RIMS2: variants seen among roughly 807,000 people sequenced by gnomAD.
RIMS2 encodes the protein regulating synaptic membrane exocytosis 2, also known as regulating synaptic membrane exocytosis protein 2.
In RIMS2, 59 loss-of-function variants were observed where a neutral mutation model predicts 174.4. That is an observed-to-expected ratio of 0.34 (90% CI 0.27 to 0.42). The LOEUF is 0.42. RIMS2 is among the 10% of genes least tolerant of loss of function. The probability of loss-of-function intolerance (pLI) is 1.00; values close to 1 mark genes in which losing one functional copy is unlikely to be tolerated. For missense variants in RIMS2, 1,620 were observed against 1,666.3 expected (o/e 0.97, Z 0.48); for synonymous variants, 606 against 572.5 (o/e 1.06, Z -0.84).
chr8:103,952,086 A>T (rs1371046970), intron 14 of RIMS2, among the ~76,000 whole-genome samples: 1 of 152,190 alleles, frequency 6.6e-6, no homozygotes, highest in African/African-American at 2.4e-5. Context: ...ATCTCTGAAA[A>T]AAAGGCAGCA....
At chr8:103,611,037 C>G (rs1389662758) in intron 1 of RIMS2, among the ~76,000 whole-genome samples, 1 of 152,080 alleles carries the variant, frequency 6.6e-6, no homozygotes, top group East Asian at 1.9e-4. Flanking sequence ...CAATTTCTTC[C>G]TGGTTCAGTC....
intron 3 of RIMS2, among the ~76,000 whole-genome samples, chr8:103,848,220 C>T (rs1457884128): frequency 2.0e-5 from 3 of 152,036 alleles, no homozygotes; most frequent in Non-Finnish European, 2.9e-5. Flanking sequence ...AGGATTTCTT[C>T]TCATTACTTT....
intron 19 of RIMS2, among the ~76,000 whole-genome samples, chr8:104,211,731 C>T (rs2099106310): frequency 6.6e-6 from 1 of 152,194 alleles, no homozygotes; most frequent in Non-Finnish European, 1.5e-5. Context: ...CCAGTCTGGT[C>T]TCAAACACCT....
chr8:103,768,788 G>A, intron 3 of RIMS2: 2 of 717,394 alleles, frequency 2.8e-6, no homozygotes, highest in Non-Finnish European at 5.2e-6. Context: ...AAGAAACCTA[G>A]GACCAAAGCA....
rs555938464 is a variant in RIMS2 at position 104,214,896 on chromosome 8, A to G, written c.3335-30020A>G. On this transcript the variant is annotated intron_variant, in intron 19 of 23. Transcript: ENST00000504942. ...TACGTTCAAGCAACAGTCCACTTATACCCAATCTAGGTGATGTTTGACCTG... is the reference window on the plus strand; with the variant it reads ...TACGTTCAAGCAACAGTCCACTTATGCCCAATCTAGGTGATGTTTGACCTG... Among the ~76,000 whole-genome samples, 4 of 152,344 alleles carry G rather than the reference A, an allele frequency of 2.6e-5. No homozygotes were observed. The South Asian group carries it at 8.3e-4, about 32-fold the overall frequency.
chr8:104,093,571 G>T (rs748178817), intron 19 of RIMS2: 29 of 1,597,584 alleles, frequency 1.8e-5, no homozygotes, highest in African/African-American at 9.3e-5. Context: ...AGGACTAGTA[G>T]TGCTTCTCGT....
chr8:104,020,402 A>G (rs781346539), intron 19 of RIMS2, among the ~76,000 whole-genome samples: 1 of 152,060 alleles, frequency 6.6e-6, no homozygotes, highest in Non-Finnish European at 1.5e-5. Flanking sequence ...CATTTGTAAT[A>G]TATTTGAATA....
At chr8:103,689,508 T>C (rs1487598472) in intron 1 of RIMS2, among the ~76,000 whole-genome samples, 1 of 152,224 alleles carries the variant, frequency 6.6e-6, no homozygotes, top group Non-Finnish European at 1.5e-5. Flanking sequence ...TTAGCTCTAA[T>C]AATATTTACT....
At chr8:104,081,300 G>A (rs2097415471) in intron 19 of RIMS2, among the ~76,000 whole-genome samples, 1 of 151,874 alleles carries the variant, frequency 6.6e-6, no homozygotes, top group African/African-American at 2.4e-5. Context: ...AGTTTAAAGG[G>A]CTTATTTCAA....
chr8:104,237,056 G>A (rs1374104162), intron 19 of RIMS2, among the ~76,000 whole-genome samples: 1 of 151,992 alleles, frequency 6.6e-6, no homozygotes, highest in Non-Finnish European at 1.5e-5. Flanking sequence ...AATTATTTCA[G>A]TGTGTTTTAA....
intron 4 of RIMS2, among the ~76,000 whole-genome samples, chr8:103,906,969 G>A (rs1481654648): frequency 1.3e-5 from 2 of 152,116 alleles, no homozygotes; most frequent in Non-Finnish European, 2.9e-5. Context: ...AAAAAGCTTG[G>A]GAAGCACTTC....
chr8:103,564,734 T>A (rs541490415), intron 1 of RIMS2, among the ~76,000 whole-genome samples: 1 of 152,204 alleles, frequency 6.6e-6, no homozygotes, highest in Non-Finnish European at 1.5e-5. Context: ...CAGCTGTGAT[T>A]AGATGGTGCC....
chr8:103,974,502 A>AC (rs1169544187), intron 15 of RIMS2, among the ~76,000 whole-genome samples: 1 of 152,180 alleles, frequency 6.6e-6, no homozygotes, highest in African/African-American at 2.4e-5. Context: ...AGTCAAACGT[A>AC]CTTTTCCTGC....
At chr8:103,826,516 C>T in intron 3 of RIMS2, among the ~76,000 whole-genome samples, 1 of 151,754 alleles carries the variant, frequency 6.6e-6, no homozygotes, top group Non-Finnish European at 1.5e-5. Context: ...ATGGATTTAT[C>T]ACATTTGTAG....
intron 3 of RIMS2, among the ~76,000 whole-genome samples, chr8:103,786,043 C>T (rs1378393586): frequency 1.3e-5 from 2 of 152,084 alleles, no homozygotes; most frequent in African/African-American, 4.8e-5. Flanking sequence ...TCTAGATTTT[C>T]TAGTTTATTT....
chr8:104,200,678 G>T (rs571955521), intron 19 of RIMS2, among the ~76,000 whole-genome samples: 2 of 152,312 alleles, frequency 1.3e-5, no homozygotes, highest in African/African-American at 4.8e-5. Flanking sequence ...AGTCCAAGGC[G>T]GGTGGATCAC....
chr8:103,717,138 C>CTTTTTTTTTTTTTTTTT (rs11373218), intron 2 of RIMS2, among the ~76,000 whole-genome samples: 6 of 113,102 alleles, frequency 5.3e-5, no homozygotes, highest in Non-Finnish European at 7.0e-5. Context: ...ATAGTGCCTT[C>CTTTTTTTTTTTTTTTTT]TTTTTTTTTT....
intron 19 of RIMS2, among the ~76,000 whole-genome samples, chr8:104,183,082 C>A (rs1360993864): frequency 6.6e-6 from 1 of 151,676 alleles, no homozygotes; most frequent in East Asian, 1.9e-4. Flanking sequence ...TTAAATGTTG[C>A]TTGCAGGTCT....
chr8:103,913,718 A>G (rs910634998), intron 6 of RIMS2, among the ~76,000 whole-genome samples: 1 of 152,096 alleles, frequency 6.6e-6, no homozygotes, highest in Non-Finnish European at 1.5e-5. Context: ...AAGGGAGAGT[A>G]CGCATGTCAC....
Sources: allele counts gnomAD v4.1 joint callset (sites outside exome capture counted in the v4.1 genomes callset), GRCh38; gene constraint gnomAD v4.1.1; transcripts MANE v1.5; gene names NCBI Gene and HGNC (gene_info 2026-07-23, HGNC 2026-07-21).